The following SLC7A5 variants were observed in gnomAD, a reference collection of about 807,000 sequenced individuals.
The protein encoded by SLC7A5 is large neutral amino acids transporter small subunit 1.
Under a neutral mutation model 50.2 loss-of-function variants are expected in SLC7A5, and 23 were observed. The observed-to-expected ratio is 0.46, with a 90% CI of 0.33 to 0.65. SLC7A5 has a LOEUF of 0.65. Among genes scored for constraint, SLC7A5 ranks in the 30% least tolerant of loss-of-function variants. The pLI is 0.02. For missense variants in SLC7A5, 578 were observed against 684.4 expected, an observed-to-expected ratio of 0.84 and a Z score of 1.73; for synonymous variants, 393 against 330.6, an observed-to-expected ratio of 1.19 and a Z score of -2.05.
intron 2 of SLC7A5, among the ~76,000 whole-genome samples, chr16:87,845,973 G>A (rs554547116): frequency 2.0e-5 from 3 of 152,350 alleles, no homozygotes; most frequent in African/African-American, 7.2e-5. Context: ...TCCTCCCGAG[G>A]CCGACGGCAC....
intron 7 of SLC7A5, among the ~76,000 whole-genome samples, chr16:87,837,066 C>T (rs866428652): frequency 6.6e-6 from 1 of 152,250 alleles, no homozygotes; most frequent in African/African-American, 2.4e-5. Flanking sequence ...GCCGTGCTCC[C>T]GAGGACCGTG....
At position 87,863,986 on chromosome 16, in the gene SLC7A5, A is replaced by ATATATATATATAT; in HGVS notation, c.538+4898_538+4899insATATATATATATA. Among the ~76,000 whole-genome samples the ATATATATATATAT allele has an allele frequency of 3.6e-5, 3 of 83,278 alleles. 1 individual carries two copies. The highest frequency in any genetic ancestry group is 6.5e-4 in the East Asian group (2 of 3,072). 54.6% of individuals were successfully genotyped at this position (83,278 alleles called of 152,430 possible). On this transcript the variant is annotated intron_variant, in intron 1 of 9. Transcript: ENST00000261622. ...CCAACCTTATGTGTGATCATTTAAAAATATATATATATATATATATATCAG... is the reference window on the plus strand; with the variant it reads ...CCAACCTTATGTGTGATCATTTAAAATATATATATATATATATATATATATATATATATATCAG...
chr16:87,847,538 C>G (rs1332905468), intron 2 of SLC7A5, among the ~76,000 whole-genome samples: 1 of 152,196 alleles, frequency 6.6e-6, no homozygotes, highest in Non-Finnish European at 1.5e-5. Flanking sequence ...AGACCTCCAC[C>G]CTCTCAGGAT....
Position 87,852,592 on chromosome 16 carries a change from A to G in SLC7A5, c.539-743T>C, listed in dbSNP as rs1412550136. Reference sequence around the variant, plus strand: ...GGCACGCTCAGACAGGTCTCCAGACACCAGCACGTCCTCCTGGGCCCTGTA... The same window carrying G: ...GGCACGCTCAGACAGGTCTCCAGACGCCAGCACGTCCTCCTGGGCCCTGTA... On this transcript the variant is annotated intron_variant, in intron 1 of 9. Coordinates refer to ENST00000261622, the MANE Select transcript of SLC7A5 (RefSeq NM_003486.7). This position sits in a 1 kb window ranked among gnomAD's most constrained non-coding sequence, Gnocchi z 4.5. 2.0e-5 allele frequency among the ~76,000 whole-genome samples: 3 copies of G among 151,696 alleles called. No individual in the cohort carries two copies. Among genetic ancestry groups the G allele is most frequent in the Non-Finnish European group, 4.4e-5 (3 of 67,966 alleles).
At chr16:87,863,014 C>A (rs141616788) in intron 1 of SLC7A5, among the ~76,000 whole-genome samples, 1 of 152,212 alleles carries the variant, frequency 6.6e-6, no homozygotes, top group Non-Finnish European at 1.5e-5. Context: ...CCCTGCGTGA[C>A]GGCACGCCTG....
rs978611489 is a variant in SLC7A5, at chr16:87,853,237, G to C, written c.539-1388C>G. 2.6e-5 allele frequency among the ~76,000 whole-genome samples: 4 copies of C among 152,228 alleles called. No homozygotes were observed. Among genetic ancestry groups the C allele is most frequent in the South Asian group, 2.1e-4 (1 of 4,832 alleles). ...ATGTAAGCAACAGACCCCGAGGAAA[G>C]ACATCCATGCTAATTAACTAATGAC... is the stretch of plus-strand genomic sequence containing the variant. On this transcript the variant is annotated intron_variant, in intron 1 of 9. Coordinates refer to ENST00000261622, the MANE Select transcript of SLC7A5 (RefSeq NM_003486.7). This position sits in a 1 kb window ranked among gnomAD's most constrained non-coding sequence, Gnocchi z 4.4.
At chr16:87,858,201 C>A (rs1337813245) in intron 1 of SLC7A5, among the ~76,000 whole-genome samples, 2 of 152,202 alleles carry the variant, frequency 1.3e-5, no homozygotes, top group African/African-American at 2.4e-5. Context: ...GGGACTGAGC[C>A]TCCCTTTCCT....
chr16:87,838,881 T>A, intron 5 of SLC7A5, 64 bp from the exon 6 acceptor site: 1 of 1,231,978 alleles, frequency 8.1e-7, no homozygotes, highest in Non-Finnish European at 1.2e-6. Flanking sequence ...CTGTGCTCAC[T>A]GGGAGCCCTC....
Position 87,841,169 on chromosome 16 carries a change from A to G in SLC7A5, c.665-14T>C. ...TGGACACATCACCTGGCAGGGCCAAAGAAAGGAATGCTGGGTTAGAGAGCG... is the reference window on the plus strand; with the variant it reads ...TGGACACATCACCTGGCAGGGCCAAGGAAAGGAATGCTGGGTTAGAGAGCG... On this transcript the variant is annotated splice_polypyrimidine_tract_variant and intron_variant, in intron 2 of 9. Transcript: ENST00000261622. The surrounding 1 kb of genome is among the most constrained non-coding windows in gnomAD (Gnocchi z 4.8). 1.9e-6 allele frequency: 3 copies of G among 1,559,078 alleles called. No homozygotes were observed. Among genetic ancestry groups the G allele is most frequent in the Non-Finnish European group, 2.7e-6 (3 of 1,130,112 alleles).
intron 1 of SLC7A5, among the ~76,000 whole-genome samples, chr16:87,856,463 C>G (rs565025233): frequency 1.3e-5 from 2 of 152,332 alleles, no homozygotes; most frequent in South Asian, 2.1e-4. Context: ...GGCCGGAGAG[C>G]GGCAGCTGAC....
At chr16:87,847,179 A>AG (rs1488751920) in intron 2 of SLC7A5, among the ~76,000 whole-genome samples, 2 of 152,182 alleles carry the variant, frequency 1.3e-5, no homozygotes, top group Non-Finnish European at 2.9e-5. Context: ...GCCACAGCCC[A>AG]GGGGGGCTTC....
Position 87,862,512 on chromosome 16 carries a change from G to C in SLC7A5, c.538+6373C>G, listed in dbSNP as rs1317201812. Among the ~76,000 whole-genome samples the C allele has an allele frequency of 6.6e-6, 1 of 152,236 alleles. No homozygotes were observed. The stretch of plus-strand genomic sequence containing the variant: ...GGTGGGTGACATCATCTCGCACCCA[G>C]AGCTCCAGACTAAAGGAAACCCTGG... On this transcript the variant is annotated intron_variant, in intron 1 of 9. Transcript: ENST00000261622. The surrounding 1 kb of genome is among the most constrained non-coding windows in gnomAD (Gnocchi z 5.3).
In SLC7A5 at chr16:87,841,027, G is replaced by A; in HGVS notation, c.770+23C>T. On this transcript the variant is annotated intron_variant, in intron 3 of 9. Coordinates refer to ENST00000261622, the MANE Select transcript of SLC7A5 (RefSeq NM_003486.7). The surrounding 1 kb of genome is among the most constrained non-coding windows in gnomAD (Gnocchi z 4.8). ...GGGACTGTATGTCCCCAGACCAAGG[G>A]ACCCAGACATTCCAGAACCTACCAT... 2 of 1,540,014 alleles carry A rather than the reference G, an allele frequency of 1.3e-6. No individual in the cohort carries two copies. Among genetic ancestry groups the A allele is most frequent in the Non-Finnish European group, 9.0e-7 (1 of 1,113,012 alleles).
At chr16:87,865,927 A>C (rs1277262423) in intron 1 of SLC7A5, among the ~76,000 whole-genome samples, 1 of 152,208 alleles carries the variant, frequency 6.6e-6, no homozygotes, top group Non-Finnish European at 1.5e-5. Context: ...AGGTTGAGGC[A>C]GGAGAATCGT....
chr16:87,851,120 T>G (rs1002942260), intron 2 of SLC7A5, among the ~76,000 whole-genome samples: 2 of 151,828 alleles, frequency 1.3e-5, no homozygotes, highest in Non-Finnish European at 2.9e-5. Flanking sequence ...TGCGCCAGAC[T>G]GCTCTCACCT....
intron 1 of SLC7A5, among the ~76,000 whole-genome samples, chr16:87,865,485 G>C (rs977386083): frequency 6.6e-6 from 1 of 151,760 alleles, no homozygotes; most frequent in Admixed American, 6.6e-5. Flanking sequence ...GAGGCGGGTG[G>C]ATCACCTGAG....
chr16:87,847,227 C>T (rs2055165111), intron 2 of SLC7A5, among the ~76,000 whole-genome samples: 1 of 152,248 alleles, frequency 6.6e-6, no homozygotes, highest in Admixed American at 6.5e-5. Context: ...CCCAGAGCCA[C>T]AGACAGCCAA....
intron 1 of SLC7A5, among the ~76,000 whole-genome samples, chr16:87,864,673 G>T (rs1364650986): frequency 6.6e-6 from 1 of 152,222 alleles, no homozygotes; most frequent in Non-Finnish European, 1.5e-5. Context: ...CCAGCTGAGG[G>T]TCCCAGCCGC....
At chr16:87,844,017 C>T (rs2055116000) in intron 2 of SLC7A5, among the ~76,000 whole-genome samples, 1 of 150,872 alleles carries the variant, frequency 6.6e-6, no homozygotes, top group African/African-American at 2.5e-5. Flanking sequence ...CACCCAGCCT[C>T]CACACCTGAC....
Sources: gnomAD v4.1 joint callset for allele counts (sites outside exome capture counted in the v4.1 genomes callset) on GRCh38, gnomAD v4.1.1 for gene constraint, Gnocchi (gnomAD v3.1) non-coding constraint, MANE v1.5 for transcripts, NCBI Gene and HGNC (gene_info 2026-07-23, HGNC 2026-07-21) for gene names.